The following POSTN variants were observed in gnomAD, a reference collection of about 807,000 sequenced individuals.
POSTN encodes the protein osteoblast specific factor 2 (fasciclin I-like).
Under a neutral mutation model 104.5 loss-of-function variants are expected in POSTN, and 71 were observed. The observed-to-expected ratio is 0.68, with a 90% CI of 0.56 to 0.83. The LOEUF (loss-of-function observed/expected upper bound fraction) is 0.83. Among genes scored for constraint, POSTN ranks in the 40% least tolerant of loss-of-function variants. The pLI is 0.00. For synonymous variants in POSTN, 355 were observed against 340.7 expected (o/e 1.04, Z -0.46); for missense variants, 949 against 1,006.8 (o/e 0.94, Z 0.78).
rs71093693 is a variant in POSTN, at chr13:37,564,181, CATATATATATATATATATATATATAT to C, written c.2473+312_2473+337del. On this transcript the variant is annotated intron_variant, in intron 22 of 22. Transcript: ENST00000379747. ...GTATACTTGTATATACAAAACATTA[CATATATATATATATATATATATATAT>C]ATATATATATATATATATATATGTA... Among the ~76,000 whole-genome samples the C allele has an allele frequency of 5.0e-4, 25 of 49,856 alleles. No homozygotes were observed. The South Asian group carries it at 0.013, about 27-fold the overall frequency. The allele number at this position is 49,856 out of a possible 152,430, so 32.7% of individuals were successfully genotyped here. A position where few individuals can be genotyped will look rare whatever the true frequency, so the allele number is the denominator to read the frequency against.
chr13:37,584,508 G>A (rs560792883), intron 8 of POSTN, among the ~76,000 whole-genome samples: 36 of 152,036 alleles, frequency 2.4e-4, no homozygotes, highest in Non-Finnish European at 4.3e-4. Context: ...AGAAACCCTA[G>A]AAAGCCAAAG....
At chr13:37,573,746 A>G (rs1950322078) in intron 17 of POSTN, among the ~76,000 whole-genome samples, 1 of 151,622 alleles carries the variant, frequency 6.6e-6, no homozygotes, top group Admixed American at 6.6e-5. Context: ...GTAAGTTGCT[A>G]CATTAAGATG....
chr13:37,568,791 A>C (rs1015948822), intron 21 of POSTN: 15 of 152,004 alleles, frequency 9.9e-5, no homozygotes, highest in African/African-American at 3.4e-4. Flanking sequence ...ACAGGTATAG[A>C]TTATCACTCA....
chr13:37,596,375 T>C (rs1179128795), intron 2 of POSTN, among the ~76,000 whole-genome samples: 2 of 152,156 alleles, frequency 1.3e-5, no homozygotes, highest in Non-Finnish European at 2.9e-5. Context: ...TCCCTCATTG[T>C]AAAATAAAGA....
intron 9 of POSTN, among the ~76,000 whole-genome samples, chr13:37,583,145 G>A (rs988915037): frequency 6.6e-6 from 1 of 152,074 alleles, no homozygotes; most frequent in Admixed American, 6.6e-5. Flanking sequence ...AAAGGTCGAA[G>A]GTTGCATGAA....
chr13:37,597,207 T>G lies in POSTN; in HGVS notation c.195A>C (p.Lys65Asn), dbSNP rs2138420640. ...ACGTTTTCTGTCCACAGATGGACTTTTTATACCAGTTCTTACAAGTGCTGA... is the reference window on the plus strand; with the variant it reads ...ACGTTTTCTGTCCACAGATGGACTTGTTATACCAGTTCTTACAAGTGCTGA... ...KYFSTCKNWY[K>N]KSICGQKTTV... The change falls in exon 2 of 23, where the codon AAA becomes AAC. Residue 65 changes from lysine to asparagine, a missense_variant. By Grantham distance (94) the Lys-to-Asn change is moderately conservative. Coordinates refer to ENST00000379747, the MANE Select transcript of POSTN (RefSeq NM_006475.3). The G allele has an allele frequency of 6.4e-7, 1 of 1,572,720 alleles. No individual in the cohort carries two copies. Among genetic ancestry groups the G allele is most frequent in the Middle Eastern group, 1.7e-4 (1 of 5,966 alleles).
At chr13:37,570,243 G>A (rs1284827014) in intron 19 of POSTN, among the ~76,000 whole-genome samples, 4 of 151,752 alleles carry the variant, frequency 2.6e-5, no homozygotes, top group Non-Finnish European at 5.9e-5. Context: ...ATTAATGGAA[G>A]CTCAAATGAG....
chr13:37,584,483 T>C (rs1002531401), intron 8 of POSTN, among the ~76,000 whole-genome samples: 1 of 152,162 alleles, frequency 6.6e-6, no homozygotes, highest in African/African-American at 2.4e-5. Context: ...AAAACGGTTA[T>C]AAATATTAGA....
At chr13:37,574,729 CT>C (rs1249020089) in intron 16 of POSTN, 77 bp from the exon 17 acceptor site, 77 of 1,430,526 alleles carry the variant, frequency 5.4e-5, no homozygotes, top group Non-Finnish European at 6.8e-5. Context: ...TTTTCCTTTT[CT>C]TTTTTGTCTC....
At chr13:37,571,672 T>G (rs1024644515) in intron 17 of POSTN, 2 of 456,030 alleles carry the variant, frequency 4.4e-6, no homozygotes, top group Non-Finnish European at 7.8e-6. Context: ...GCTACTAAAA[T>G]TACTTTCATC....
chr13:37,571,265 T>TAA, intron 18 of POSTN, 104 bp downstream of exon 18: 1 of 749,766 alleles, frequency 1.3e-6, no homozygotes, highest in East Asian at 2.8e-5. Context: ...TTTTATAAAA[T>TAA]AAGAACTAAG....
chr13:37,586,675 A>G, intron 6 of POSTN, 107 bp downstream of exon 6: 1 of 1,069,268 alleles, frequency 9.4e-7, no homozygotes. Context: ...TTCAAAAAAT[A>G]TGTGTTACAT....
intron 15 of POSTN, 51 bp from the exon 16 acceptor site, chr13:37,577,849 AC>A: frequency 6.2e-7 from 1 of 1,609,190 alleles, no homozygotes; most frequent in East Asian, 2.2e-5. Flanking sequence ...AGTTGTGTTA[AC>A]AAAACCATGG....
rs556643900 is a variant in POSTN, at chr13:37,582,577, G to T, written c.1244-63C>A. 2.0e-5 allele frequency: 28 copies of T among 1,406,742 alleles called. 1 individual carries two copies. In the Admixed American group the frequency reaches 5.6e-4, roughly 28 times the overall value. The allele number at this position is 1,406,742 out of a possible 1,614,324, so 87.1% of individuals were successfully genotyped here. ...TTAGAAAACATTGAAGTTTCTCCCG[G>T]TAAGACAGAATCATATAAACAGATA... On this transcript the variant is annotated intron_variant, in intron 9 of 22. Coordinates refer to ENST00000379747, the MANE Select transcript of POSTN (RefSeq NM_006475.3).
rs200458518 is a variant in POSTN, at chr13:37,584,058, G to T, written c.1154C>A (p.Thr385Lys). 1 of 1,613,880 alleles carries T rather than the reference G, an allele frequency of 6.2e-7. No individual in the cohort carries two copies. The highest frequency in any genetic ancestry group is 1.7e-5 in the Admixed American group (1 of 59,970). Reference protein sequence around the residue: ...ELAGKQQTTFTDLVAQLGLAS... With the variant: ...ELAGKQQTTFKDLVAQLGLAS... Reference sequence around the variant, plus strand: ...CAAGCCTAATTGGGCCACAAGATCCGTGAAGGTGGTTTGCTGTTTTCCAGC... The same window carrying T: ...CAAGCCTAATTGGGCCACAAGATCCTTGAAGGTGGTTTGCTGTTTTCCAGC... Residue 385 changes from threonine (T) to lysine (K), a missense_variant, in exon 9 of 23, where the codon ACG (threonine) becomes AAG (lysine). Coordinates refer to ENST00000379747, the MANE Select transcript of POSTN (RefSeq NM_006475.3).
At chr13:37,582,621 A>G in intron 9 of POSTN, 107 bp from the exon 10 acceptor site, 1 of 1,094,526 alleles carries the variant, frequency 9.1e-7, no homozygotes, top group Non-Finnish European at 1.3e-6. Flanking sequence ...CATTATTGAT[A>G]TCATGGATTT....
chr13:37,592,598 G>A (rs1440063522), intron 2 of POSTN, among the ~76,000 whole-genome samples: 1 of 151,944 alleles, frequency 6.6e-6, no homozygotes, highest in African/African-American at 2.4e-5. Context: ...GCGCCCGGCC[G>A]ATTTTTTCTA....
In POSTN at chr13:37,579,839, T is replaced by C; in HGVS notation, c.1660+22A>G. 4 of 1,602,720 alleles carry C rather than the reference T, an allele frequency of 2.5e-6. No homozygotes were observed. The South Asian group carries it at 4.5e-5, about 18-fold the overall frequency. On this transcript the variant is annotated intron_variant, in intron 12 of 22. Coordinates refer to ENST00000379747, the MANE Select transcript of POSTN (RefSeq NM_006475.3). ...AGATCCTGAAATGAAAGGGAAAATA[T>C]CTGGAATTCACTTCCACTTACGTAT...
Position 37,579,340 on chromosome 13 carries a change from T to C in POSTN, c.1680A>G (p.Gln560=). 3.1e-6 allele frequency: 5 copies of C among 1,587,592 alleles called. No homozygotes were observed. Among genetic ancestry groups the C allele is most frequent in the Non-Finnish European group, 4.3e-6 (5 of 1,156,668 alleles). Reference sequence around the variant, plus strand: ...GTGTCAGGTGATAAAGAATGATGTTTTGAAGAGCATTTTTGTCCCCTAGGG... The same window carrying C: ...GTGTCAGGTGATAAAGAATGATGTTCTGAAGAGCATTTTTGTCCCCTAGGG... ...EILIRDKNAL[Q]NIILYHLTPG... Residue 560 remains glutamine (Q), a synonymous_variant, in exon 13 of 23, where the codon CAA becomes CAG. Coordinates refer to ENST00000379747, the MANE Select transcript of POSTN (RefSeq NM_006475.3).
Sources: gnomAD v4.1 joint callset for allele counts (sites outside exome capture counted in the v4.1 genomes callset) on GRCh38, gnomAD v4.1.1 for gene constraint, MANE v1.5 for transcripts, NCBI Gene and HGNC (gene_info 2026-07-23, HGNC 2026-07-21) for gene names.